Variants in SPMIP5 observed in about 807,000 individuals in gnomAD.
SPMIP5 encodes sperm-associated microtubule inner protein 5.
At chr10:116,667,537 T>C in the SPMIP5 span, among the ~76,000 whole-genome samples, 2 of 152,088 alleles carry the variant, frequency 1.3e-5, no homozygotes, top group Non-Finnish European at 2.9e-5. Flanking sequence ...CAACCAGCCA[T>C]TAGGACCAGA....
chr10:116,664,242 GA>G, the SPMIP5 span: 68 of 1,609,520 alleles, frequency 4.2e-5, no homozygotes, highest in South Asian at 7.2e-4. Context: ...AGACGGAGCA[GA>G]AGTTTTTGTG....
the SPMIP5 span, among the ~76,000 whole-genome samples, chr10:116,668,933 G>GCACACACACACACACACACA: frequency 0.011 from 1,447 of 135,318 alleles, 43 homozygotes; most frequent in African/African-American, 0.026. Context: ...GCACACACAT[G>GCACACACACACACACACACA]CACACACACA....
At chr10:116,662,403 T>G in the SPMIP5 span, among the ~76,000 whole-genome samples, 2 of 152,190 alleles carry the variant, frequency 1.3e-5, no homozygotes, top group African/African-American at 4.8e-5. Flanking sequence ...TGCAGTGGTT[T>G]GTTGCCTGCA....
the SPMIP5 span, chr10:116,670,216 G>C: frequency 1.3e-5 from 2 of 152,456 alleles, no homozygotes; most frequent in Non-Finnish European, 2.9e-5. Flanking sequence ...AGGATATGCG[G>C]AGGGCTCTAA....
the SPMIP5 span, among the ~76,000 whole-genome samples, chr10:116,662,464 T>C: frequency 6.6e-6 from 1 of 152,162 alleles, no homozygotes; most frequent in South Asian, 2.1e-4. Context: ...GTGAAAACAA[T>C]GATGTAACTT....
the SPMIP5 span, among the ~76,000 whole-genome samples, chr10:116,668,933 G>GCGCGCACACA: frequency 1.0e-3 from 140 of 135,378 alleles, no homozygotes; most frequent in African/African-American, 4.0e-3. Flanking sequence ...GCACACACAT[G>GCGCGCACACA]CACACACACA....
chr10:116,664,355 AAT>A, the SPMIP5 span: 3 of 937,156 alleles, frequency 3.2e-6, no homozygotes, highest in East Asian at 5.4e-5. Context: ...ACAATACATA[AAT>A]ATGAGTAAAT....
the SPMIP5 span, among the ~76,000 whole-genome samples, chr10:116,667,942 A>ATGTGTCTATCCTCATCACAT: frequency 3.9e-5 from 6 of 152,204 alleles, no homozygotes; most frequent in Admixed American, 6.5e-5. Flanking sequence ...CTACTTATTC[A>ATGTGTCTATCCTCATCACAT]TGTGTCTATC....
the SPMIP5 span, among the ~76,000 whole-genome samples, chr10:116,662,494 CT>C: frequency 6.6e-6 from 1 of 152,202 alleles, no homozygotes; most frequent in Non-Finnish European, 1.5e-5. Flanking sequence ...TCAAAGTTCT[CT>C]GACCTTCTGA....
chr10:116,668,274 G>T, the SPMIP5 span: 1 of 1,614,016 alleles, frequency 6.2e-7, no homozygotes, highest in Non-Finnish European at 8.5e-7. Flanking sequence ...AGCCTGGTGT[G>T]ATTGGCAGGT....
chr10:116,665,421 AG>A, the SPMIP5 span: 9 of 554,514 alleles, frequency 1.6e-5, no homozygotes, highest in African/African-American at 1.9e-5. Flanking sequence ...AAAAAAAAAA[AG>A]AAAAAGAAAG....
At chr10:116,669,102 G>A in the SPMIP5 span, among the ~76,000 whole-genome samples, 3 of 152,304 alleles carry the variant, frequency 2.0e-5, no homozygotes, top group Non-Finnish European at 1.5e-5. Context: ...TTATGTGGAT[G>A]CTGTTTCTGC....
the SPMIP5 span, chr10:116,664,943 G>C: frequency 1.9e-6 from 3 of 1,611,076 alleles, no homozygotes; most frequent in Non-Finnish European, 1.7e-6. Flanking sequence ...TTACATATTT[G>C]CATTCTGTAA....
the SPMIP5 span, chr10:116,668,311 A>G: frequency 1.2e-6 from 2 of 1,612,392 alleles, no homozygotes; most frequent in Non-Finnish European, 1.7e-6. Context: ...GGAAGGCTCC[A>G]TGATTTCGCT....
chr10:116,665,973 C>T, the SPMIP5 span: 1 of 705,922 alleles, frequency 1.4e-6, no homozygotes, highest in African/African-American at 1.8e-5. Context: ...GCCATTAATA[C>T]AAGCAGTGCT....
the SPMIP5 span, chr10:116,664,747 C>A: frequency 4.9e-5 from 79 of 1,612,646 alleles, no homozygotes; most frequent in Middle Eastern, 1.6e-4. Flanking sequence ...GGTACGGACC[C>A]AAGCCAGACT....
At chr10:116,663,809 A>G in the SPMIP5 span, 2 of 1,346,636 alleles carry the variant, frequency 1.5e-6, no homozygotes, top group South Asian at 3.4e-5. Flanking sequence ...TCTTGTTACT[A>G]AATTTCTTTA....
the SPMIP5 span, chr10:116,665,290 G>A: frequency 5.4e-6 from 2 of 371,400 alleles, no homozygotes; most frequent in African/African-American, 4.4e-5. Context: ...TCAGCTACTT[G>A]GCTGAGGCTG....
chr10:116,668,972 A>AC, the SPMIP5 span, among the ~76,000 whole-genome samples: 1 of 58,892 alleles, frequency 1.7e-5, no homozygotes, highest in African/African-American at 6.7e-5. Context: ...CACACACACA[A>AC]ACAAGGGAGA....
Sources: gnomAD v4.1 joint callset for allele counts (sites outside exome capture counted in the v4.1 genomes callset) on GRCh38, gnomAD v4.1.1 for gene constraint, MANE v1.5 for transcripts, NCBI Gene and HGNC (gene_info 2026-07-23, HGNC 2026-07-21) for gene names.